Variants in BMP3 observed in about 807,000 individuals in gnomAD.
The protein encoded by BMP3 is bone morphogenetic protein 3 (osteogenic).
Under a neutral mutation model 38.1 loss-of-function variants are expected in BMP3, and 23 were observed. The ratio of observed to expected loss-of-function variants is 0.60; its 90% CI spans 0.43 to 0.86. BMP3 has a LOEUF of 0.86. Ranked by LOEUF, BMP3 falls within the 40% of genes least tolerant of loss-of-function variation. BMP3 has a pLI of 0.00. For missense variants in BMP3, 628 were observed against 579.6 expected (o/e 1.08, Z -0.86); for synonymous variants, 258 against 225.7 (o/e 1.14, Z -1.28).
In BMP3 at chr4:81,035,765, G is replaced by A. The variant is rs909571762; in HGVS notation, c.316+4165G>A. 2.6e-5 allele frequency among the ~76,000 whole-genome samples: 4 copies of A among 151,896 alleles called. No homozygotes were observed. In the East Asian group the frequency reaches 7.7e-4, roughly 29 times the overall value. On this transcript the variant is annotated intron_variant, in intron 1 of 2. Transcript: ENST00000282701. ...ATGTTAACAGGTATTATATAAAATT[G>A]GGCCTCATGGTCAAACTTGGAAAAC...
At chr4:81,050,680 A>G (rs979552488) in intron 2 of BMP3, among the ~76,000 whole-genome samples, 2 of 152,160 alleles carry the variant, frequency 1.3e-5, no homozygotes, top group African/African-American at 2.4e-5. Context: ...TGAATCTTCC[A>G]ATTCTAATCT....
rs1243666569 is a variant in BMP3 at position 81,054,081 on chromosome 4, A to G, written c.*545A>G. 1 of 152,666 alleles carries G rather than the reference A, an allele frequency of 6.6e-6. No homozygotes were observed. Among genetic ancestry groups the G allele is most frequent in the Non-Finnish European group, 1.5e-5 (1 of 68,140 alleles). The allele number at this position is 152,666 out of a possible 1,614,324, so 9.5% of individuals were successfully genotyped here. A position where few individuals can be genotyped will look rare whatever the true frequency, so the allele number is the denominator to read the frequency against. On this transcript the variant is annotated 3_prime_UTR_variant, in exon 3 of 3. Coordinates refer to ENST00000282701, the MANE Select transcript of BMP3 (RefSeq NM_001201.5). ...TAAGTGTAATGGAAAGTTTATGCTGAGCGTTAGTGTGTATGTATGTGCGTA... is the reference window on the plus strand; with the variant it reads ...TAAGTGTAATGGAAAGTTTATGCTGGGCGTTAGTGTGTATGTATGTGCGTA...
chr4:81,056,850 T>G lies in BMP3; in HGVS notation c.*3314T>G, dbSNP rs1740584355. 1 of 152,556 alleles carries G rather than the reference T, an allele frequency of 6.6e-6. No homozygotes were observed. Among genetic ancestry groups the G allele is most frequent in the Non-Finnish European group, 1.5e-5 (1 of 68,028 alleles). 9.5% of individuals were successfully genotyped at this position (152,556 alleles called of 1,614,324 possible). ...CAAATGTGAGTAATACTGCTAAGAG[T>G]CTGATTTATTAAAAATATTTGTATA... On this transcript the variant is annotated 3_prime_UTR_variant, in exon 3 of 3. Coordinates refer to ENST00000282701, the MANE Select transcript of BMP3 (RefSeq NM_001201.5).
chr4:81,047,333 T>C (rs10516736), intron 2 of BMP3, among the ~76,000 whole-genome samples: 18,664 of 152,166 alleles, frequency 0.12, 1,337 homozygotes, highest in African/African-American at 0.19. Flanking sequence ...CTGAACTTCA[T>C]CATATCAGTT....
chr4:81,041,300 A>C lies in BMP3; in HGVS notation c.317-4438A>C, dbSNP rs916222754. Among the ~76,000 whole-genome samples the C allele has an allele frequency of 3.9e-5, 6 of 152,366 alleles. No individual in the cohort carries two copies. In the East Asian group the frequency reaches 1.2e-3, roughly 29 times the overall value. On this transcript the variant is annotated intron_variant, in intron 1 of 2. Transcript: ENST00000282701. ...TTTTCATCCATTGTAAATGCTCAGC[A>C]ACTATTTGTTAAGTTGCTTTGGAGA...
chr4:81,050,326 T>G (rs201872260), intron 2 of BMP3, among the ~76,000 whole-genome samples: 12 of 152,200 alleles, frequency 7.9e-5, no homozygotes, highest in African/African-American at 2.9e-4. Context: ...TTCTAGCCCT[T>G]ACAGCCAATC....
chr4:81,036,676 TTTATA>T (rs1441176693), intron 1 of BMP3, among the ~76,000 whole-genome samples: 2 of 152,038 alleles, frequency 1.3e-5, no homozygotes, highest in Non-Finnish European at 2.9e-5. Context: ...AAATATTGAC[TTTATA>T]TTAATCAAGT....
chr4:81,031,219 C>T lies in BMP3; in HGVS notation c.-66C>T. ...GTTCAACCCTCGGCTCCGCCGCCGG[C>T]TCCTTGCGCCTTCGGAGTGTCCCGC... On this transcript the variant is annotated 5_prime_UTR_variant, in exon 1 of 3. Coordinates refer to ENST00000282701, the MANE Select transcript of BMP3 (RefSeq NM_001201.5). 2 of 1,454,554 alleles carry T rather than the reference C, an allele frequency of 1.4e-6. No individual in the cohort carries two copies. The highest frequency in any genetic ancestry group is 1.8e-6 in the Non-Finnish European group (2 of 1,097,154). The allele number at this position is 1,454,554 out of a possible 1,614,324, so 90.1% of individuals were successfully genotyped here. A position where few individuals can be genotyped will look rare whatever the true frequency, so the allele number is the denominator to read the frequency against.
intron 1 of BMP3, among the ~76,000 whole-genome samples, chr4:81,043,023 T>G (rs532462648): frequency 5.3e-5 from 8 of 152,228 alleles, no homozygotes; most frequent in Non-Finnish European, 2.9e-5. Flanking sequence ...GTGTTAAAAA[T>G]GAATAGAATA....
In BMP3 at chr4:81,053,526, C is replaced by T; in HGVS notation, c.1409C>T (p.Ala470Val). The T allele has an allele frequency of 6.6e-7, 1 of 1,505,038 alleles. No homozygotes were observed. The allele number at this position is 1,505,038 out of a possible 1,614,324, so 93.2% of individuals were successfully genotyped here. A position where few individuals can be genotyped will look rare whatever the true frequency, so the allele number is the denominator to read the frequency against. ...CCTAACATGACAGTAGAGTCTTGCG[C>T]TTGCAGATAACCTGGCAAAGAACTC... Reference protein sequence around the residue: ...VYPNMTVESCACR With the variant: ...VYPNMTVESCVCR The change falls in exon 3 of 3, where the codon GCT becomes GTT. Residue 470 changes from alanine to valine, a missense_variant. By Grantham distance (64) the Ala-to-Val change is moderately conservative (BLOSUM62 0). Coordinates refer to ENST00000282701, the MANE Select transcript of BMP3 (RefSeq NM_001201.5).
At chr4:81,042,523 A>G (rs1236018987) in intron 1 of BMP3, among the ~76,000 whole-genome samples, 1 of 152,238 alleles carries the variant, frequency 6.6e-6, no homozygotes, top group Non-Finnish European at 1.5e-5. Context: ...CACTGGTTTA[A>G]AATGAGAGCC....
chr4:81,052,745 C>A (rs985328), intron 2 of BMP3, among the ~76,000 whole-genome samples: 100,792 of 151,970 alleles, frequency 0.66, 36,130 homozygotes, highest in East Asian at 0.81. Flanking sequence ...AGTAACCATC[C>A]AATCCATCTT....
Position 81,046,661 on chromosome 4 carries a change from C to A in BMP3, c.1227+13C>A. ...CCCCATGCCAAAGGTAGCCATTGTT[C>A]TCTGTCCTGTACTTACTTCCTATTT... On this transcript the variant is annotated intron_variant, in intron 2 of 2. Transcript: ENST00000282701. 1 of 1,602,394 alleles carries A rather than the reference C, an allele frequency of 6.2e-7. No homozygotes were observed. Among genetic ancestry groups the A allele is most frequent in the African/African-American group, 1.3e-5 (1 of 74,816 alleles).
chr4:81,048,660 G>C (rs1254375539), intron 2 of BMP3, among the ~76,000 whole-genome samples: 1 of 152,122 alleles, frequency 6.6e-6, no homozygotes, highest in Non-Finnish European at 1.5e-5. Flanking sequence ...GTTTCTCAGT[G>C]ATCTAAAGAA....
chr4:81,034,488 A>G (rs2109901529), intron 1 of BMP3, among the ~76,000 whole-genome samples: 1 of 152,300 alleles, frequency 6.6e-6, no homozygotes, highest in African/African-American at 2.4e-5. Context: ...ATCTTTTAAG[A>G]TACTTTAGGA....
intron 1 of BMP3, among the ~76,000 whole-genome samples, chr4:81,042,844 C>T (rs915204942): frequency 3.3e-5 from 5 of 152,096 alleles, no homozygotes; most frequent in African/African-American, 7.2e-5. Flanking sequence ...AGCTACTACA[C>T]GAAATTTGGG....
At chr4:81,047,866 A>G (rs1374164340) in intron 2 of BMP3, among the ~76,000 whole-genome samples, 2 of 150,762 alleles carry the variant, frequency 1.3e-5, no homozygotes, top group African/African-American at 4.9e-5. Context: ...CTTGAGTCCA[A>G]GAGTTGGAGT....
chr4:81,031,243 G>C lies in BMP3; in HGVS notation c.-42G>C, dbSNP rs761028782. On this transcript the variant is annotated 5_prime_UTR_variant, in exon 1 of 3. Transcript: ENST00000282701. ...GCTCCTTGCGCCTTCGGAGTGTCCC[G>C]CAGCGACGCCGGGAGCCGACGCGCC... The C allele has an allele frequency of 1.3e-6, 2 of 1,527,410 alleles. No individual in the cohort carries two copies. Among genetic ancestry groups the C allele is most frequent in the Non-Finnish European group, 1.8e-6 (2 of 1,136,206 alleles). The allele number at this position is 1,527,410 out of a possible 1,614,324, so 94.6% of individuals were successfully genotyped here. A position where few individuals can be genotyped will look rare whatever the true frequency, so the allele number is the denominator to read the frequency against.
chr4:81,036,544 G>T (rs911750449), intron 1 of BMP3, among the ~76,000 whole-genome samples: 2 of 151,974 alleles, frequency 1.3e-5, no homozygotes, highest in Non-Finnish European at 2.9e-5. Context: ...TATTTTGGGG[G>T]TAGTAGTGGA....
Sources: allele counts gnomAD v4.1 joint callset (sites outside exome capture counted in the v4.1 genomes callset), GRCh38; gene constraint gnomAD v4.1.1; transcripts MANE v1.5; gene names NCBI Gene and HGNC (gene_info 2026-07-23, HGNC 2026-07-21).